The following SLCO5A1 variants were observed in gnomAD, a reference collection of about 807,000 sequenced individuals.
The protein encoded by SLCO5A1 is organic anion transporter polypeptide-related protein 4.
SLCO5A1 carries 39 observed loss-of-function variants against 65.1 expected under a neutral mutation model. The observed-to-expected ratio is 0.60, with a 90% CI of 0.46 to 0.78. The LOEUF is 0.78. SLCO5A1 is among the 30% of genes least tolerant of loss of function. The pLI is 0.00. For synonymous variants in SLCO5A1, 438 were observed against 415.7 expected (o/e 1.05, Z -0.65); for missense variants, 1,029 against 1,069.4 (o/e 0.96, Z 0.53).
In SLCO5A1 at chr8:69,832,586, G is replaced by A. The variant is rs1002487811; in HGVS notation, c.88C>T (p.Pro30Ser). The A allele has an allele frequency of 1.2e-6, 2 of 1,612,874 alleles. No individual in the cohort carries two copies. Among genetic ancestry groups the A allele is most frequent in the Admixed American group, 1.7e-5 (1 of 59,930 alleles). ...AAACTCTTAGACCTGAGGGTCTCCGGCTCGCACCTCTCTTGGACAGCTTCT... is the reference window on the plus strand; with the variant it reads ...AAACTCTTAGACCTGAGGGTCTCCGACTCGCACCTCTCTTGGACAGCTTCT... ...TAEAVQERCE[P>S]ETLRSKSLPV... Residue 30 changes from proline to serine, a missense_variant, in exon 2 of 10, where the codon CCG (proline) becomes TCG (serine). Physicochemically the swap from Pro to Ser is moderately conservative, Grantham distance 74 (BLOSUM62 -1). Around this residue, in one of 3 missense-constraint regions of SLCO5A1, gnomAD observed 647 missense variants for 647.5 expected, o/e 1.00. Transcript: ENST00000260126. The surrounding 1 kb of genome is among the most constrained non-coding windows in gnomAD (Gnocchi z 4.5).
intron 2 of SLCO5A1, among the ~76,000 whole-genome samples, chr8:69,767,908 A>C (rs1362004069): frequency 2.9e-5 from 4 of 137,334 alleles, no homozygotes; most frequent in Admixed American, 7.0e-5. Context: ...AAAAAAAAAA[A>C]AAACAAAAAG....
At chr8:69,828,355 A>C (rs7837440) in intron 2 of SLCO5A1, among the ~76,000 whole-genome samples, 2,060 of 151,984 alleles carry the variant, frequency 0.014, 19 homozygotes, top group Non-Finnish European at 0.024. Context: ...GTAATCCCAA[A>C]ACTTTGGGAG....
intron 2 of SLCO5A1, among the ~76,000 whole-genome samples, chr8:69,814,371 G>C (rs1167752369): frequency 6.6e-6 from 1 of 152,046 alleles, no homozygotes; most frequent in African/African-American, 2.4e-5. Flanking sequence ...GACTTGAATA[G>C]ACATTTCTCA....
At chr8:69,729,431 G>A (rs1816234700) in intron 5 of SLCO5A1, among the ~76,000 whole-genome samples, 1 of 120,544 alleles carries the variant, frequency 8.3e-6, no homozygotes, top group Non-Finnish European at 1.6e-5. Context: ...GCGAAAGAGC[G>A]AGACTCCGTC....
intron 5 of SLCO5A1, among the ~76,000 whole-genome samples, chr8:69,712,409 A>G (rs1815309321): frequency 6.6e-6 from 1 of 152,242 alleles, no homozygotes; most frequent in Non-Finnish European, 1.5e-5. Context: ...ATAAAAGCTA[A>G]TGACTGAATT....
chr8:69,802,770 C>G (rs1819805695), intron 2 of SLCO5A1, among the ~76,000 whole-genome samples: 1 of 152,114 alleles, frequency 6.6e-6, no homozygotes, highest in African/African-American at 2.4e-5. Flanking sequence ...AAGAAATCCT[C>G]CCTAGCCACC....
intron 3 of SLCO5A1, among the ~76,000 whole-genome samples, chr8:69,759,427 T>C (rs953435829): frequency 2.0e-5 from 3 of 152,158 alleles, no homozygotes; most frequent in African/African-American, 7.2e-5. Flanking sequence ...ACACATACTG[T>C]ACAGCAGGAA....
chr8:69,713,067 A>G (rs1186688361), intron 5 of SLCO5A1, among the ~76,000 whole-genome samples: 2 of 152,236 alleles, frequency 1.3e-5, no homozygotes, highest in Non-Finnish European at 2.9e-5. Context: ...CAAAAGCTTA[A>G]ACTGCCAAGC....
intron 2 of SLCO5A1, among the ~76,000 whole-genome samples, chr8:69,782,253 A>C (rs1222383183): frequency 1.3e-5 from 2 of 152,044 alleles, no homozygotes. Flanking sequence ...ATAAATAAAC[A>C]TCAAAAATTA....
intron 2 of SLCO5A1, among the ~76,000 whole-genome samples, chr8:69,814,275 C>T (rs1462121579): frequency 2.0e-5 from 3 of 152,046 alleles, no homozygotes; most frequent in Admixed American, 1.3e-4. Context: ...CGCAAGAAAA[C>T]ATCTGCAAGC....
chr8:69,831,581 A>G (rs761280700), intron 2 of SLCO5A1, among the ~76,000 whole-genome samples, 186 bp downstream of exon 2: 5 of 152,188 alleles, frequency 3.3e-5, no homozygotes, highest in Non-Finnish European at 7.3e-5. Context: ...AGTTTCAAGA[A>G]CTCTCAACTA....
intron 6 of SLCO5A1, among the ~76,000 whole-genome samples, chr8:69,688,636 T>C (rs1474274268): frequency 1.3e-5 from 2 of 152,076 alleles, no homozygotes; most frequent in Admixed American, 1.3e-4. Context: ...TGATTTCCAA[T>C]TTCATCCATG....
intron 2 of SLCO5A1, among the ~76,000 whole-genome samples, chr8:69,807,042 T>C (rs1820021993): frequency 1.3e-5 from 2 of 152,184 alleles, no homozygotes; most frequent in African/African-American, 2.4e-5. Context: ...AAGGCAATCC[T>C]AAGCAAAAAG....
chr8:69,827,907 C>T (rs1468849626), intron 2 of SLCO5A1, among the ~76,000 whole-genome samples: 1 of 152,156 alleles, frequency 6.6e-6, no homozygotes, highest in Non-Finnish European at 1.5e-5. Flanking sequence ...CTACATTCTG[C>T]ATTCTTCTGC....
At chr8:69,714,438 G>A (rs1038006456) in intron 5 of SLCO5A1, among the ~76,000 whole-genome samples, 4 of 152,194 alleles carry the variant, frequency 2.6e-5, no homozygotes, top group Non-Finnish European at 4.4e-5. Context: ...CTTACAGTAA[G>A]TTCTTTTAGG....
At chr8:69,695,255 G>A (rs977660358) in intron 6 of SLCO5A1, among the ~76,000 whole-genome samples, 1 of 152,158 alleles carries the variant, frequency 6.6e-6, no homozygotes, top group Middle Eastern at 3.2e-3. Context: ...AGCACTTTGG[G>A]AGGCAGAGGC....
At chr8:69,782,147 G>C (rs1465572575) in intron 2 of SLCO5A1, among the ~76,000 whole-genome samples, 1 of 151,972 alleles carries the variant, frequency 6.6e-6, no homozygotes, top group Non-Finnish European at 1.5e-5. Flanking sequence ...ATGGGTTGAT[G>C]GGTGCAGCAA....
At chr8:69,678,489 T>C (rs1374109110) in intron 8 of SLCO5A1, among the ~76,000 whole-genome samples, 1 of 152,232 alleles carries the variant, frequency 6.6e-6, no homozygotes, top group Non-Finnish European at 1.5e-5. Context: ...TGTCTTTAGA[T>C]GAATGCACAC....
chr8:69,761,155 G>A (rs1229248390), intron 3 of SLCO5A1, among the ~76,000 whole-genome samples: 1 of 152,210 alleles, frequency 6.6e-6, no homozygotes, highest in Non-Finnish European at 1.5e-5. Context: ...CAATCCTAAA[G>A]AATGTGGATT....
Sources: gnomAD v4.1 joint callset for allele counts (sites outside exome capture counted in the v4.1 genomes callset) on GRCh38, gnomAD v4.1.1 for gene constraint, gnomAD v4.1.1 regional missense constraint, Gnocchi (gnomAD v3.1) non-coding constraint, MANE v1.5 for transcripts, NCBI Gene and HGNC (gene_info 2026-07-23, HGNC 2026-07-21) for gene names.